AGPAT3: variants seen among roughly 807,000 people sequenced by gnomAD.
The protein encoded by AGPAT3 is 1-acylglycerol-3-phosphate O-acyltransferase 3.
In AGPAT3, 5 loss-of-function variants were observed where a neutral mutation model predicts 47.3. The observed-to-expected ratio is 0.11, with a 90% CI of 0.06 to 0.22. AGPAT3 has a LOEUF of 0.22. Ranked by LOEUF, AGPAT3 falls within the 10% of genes least tolerant of loss-of-function variation. The pLI is 1.00. For missense variants in AGPAT3, 315 were observed against 493.0 expected (o/e 0.64, Z 3.42); for synonymous variants, 212 against 208.3 (o/e 1.02, Z -0.15).
At chr21:43,965,124 T>A (rs139199861) in intron 3 of AGPAT3, 1 of 152,600 alleles carries the variant, frequency 6.6e-6, no homozygotes, top group East Asian at 1.9e-4. Flanking sequence ...GAGACAGGGT[T>A]TTGCCATGTT....
At chr21:43,936,360 T>C (rs2087446200) in intron 2 of AGPAT3, among the ~76,000 whole-genome samples, 1 of 152,248 alleles carries the variant, frequency 6.6e-6, no homozygotes, top group African/African-American at 2.4e-5. Flanking sequence ...GACTTTTCTG[T>C]GGGTGCACCT....
At chr21:43,886,534 G>A (rs753569344) in intron 1 of AGPAT3, among the ~76,000 whole-genome samples, 8 of 152,174 alleles carry the variant, frequency 5.3e-5, no homozygotes, top group Admixed American at 1.3e-4. Context: ...TTACAAGCAT[G>A]AGCCATCACA....
rs186394421 is a variant in AGPAT3, at chr21:43,922,988, T to G, written c.-49+18969T>G. On this transcript the variant is annotated intron_variant, in intron 2 of 9. Coordinates refer to ENST00000291572, the MANE Select transcript of AGPAT3 (RefSeq NM_020132.5). The surrounding 1 kb of genome is among the most constrained non-coding windows in gnomAD (Gnocchi z 4.9). ...AGGAGTCCCTGTTTCTTTCTCCCCA[T>G]GCTCACACGGGGTTTTTAGACTTTG... Among the ~76,000 whole-genome samples, 103 of 152,294 alleles carry G rather than the reference T, an allele frequency of 6.8e-4. 3 individuals carry two copies. The East Asian group carries it at 0.016, about 23-fold the overall frequency.
intron 1 of AGPAT3, among the ~76,000 whole-genome samples, chr21:43,887,144 C>T (rs4819338): frequency 0.32 from 49,356 of 152,098 alleles, 8,741 homozygotes; most frequent in Non-Finnish European, 0.4. Context: ...AGGTCAAGGC[C>T]CAGCTCCTTC....
chr21:43,967,742 A>G (rs557448008), intron 3 of AGPAT3: 7 of 559,566 alleles, frequency 1.3e-5, no homozygotes, highest in Admixed American at 9.7e-5. Context: ...TTCTGCTGCT[A>G]CCTTCCATCT....
intron 6 of AGPAT3, 39 bp from the exon 7 acceptor site, chr21:43,971,349 C>T (rs1222644501): frequency 6.3e-7 from 1 of 1,591,444 alleles, no homozygotes; most frequent in Non-Finnish European, 8.6e-7. Flanking sequence ...CATGCAGCCG[C>T]CTGGGCTGGG....
chr21:43,977,202 A>G (rs937482231), intron 7 of AGPAT3, among the ~76,000 whole-genome samples: 3 of 152,334 alleles, frequency 2.0e-5, no homozygotes, highest in Admixed American at 2.0e-4. Flanking sequence ...ATGTAAATAA[A>G]TGAGTGTCCA....
At chr21:43,917,242 C>A (rs1458536543) in intron 2 of AGPAT3, among the ~76,000 whole-genome samples, 2 of 151,924 alleles carry the variant, frequency 1.3e-5, no homozygotes, top group Non-Finnish European at 2.9e-5. Flanking sequence ...CACATCCGCC[C>A]CTCTGGGTGC....
intron 3 of AGPAT3, among the ~76,000 whole-genome samples, chr21:43,961,934 T>C (rs981850743): frequency 6.6e-6 from 1 of 152,124 alleles, no homozygotes; most frequent in African/African-American, 2.4e-5. Context: ...GCAGAGAGAC[T>C]AGTAACCCAG....
rs1299458862 is a variant in AGPAT3, at chr21:43,986,989, G to A, written c.*4597G>A. Among the ~76,000 whole-genome samples, 2 of 152,224 alleles carry A rather than the reference G, an allele frequency of 1.3e-5. No homozygotes were observed. Among genetic ancestry groups the A allele is most frequent in the African/African-American group, 2.4e-5 (1 of 41,446 alleles). On this transcript the variant is annotated 3_prime_UTR_variant, in exon 10 of 10. Transcript: ENST00000291572. The stretch of plus-strand genomic sequence containing the variant: ...TCCCAAAGGCCTGGCTGCGTTTGCC[G>A]TGCTGTGCGAGGACCTGTGTACACA...
Position 43,868,354 on chromosome 21 carries a change from A to G in AGPAT3, c.-112+3009A>G, listed in dbSNP as rs187942876. Among the ~76,000 whole-genome samples the G allele has an allele frequency of 3.9e-4, 60 of 152,260 alleles. 1 individual carries two copies. The highest frequency in any genetic ancestry group is 1.2e-3 in the African/African-American group (50 of 41,546). Reference sequence around the variant, plus strand: ...ATTGAAAGCAACACAACTATCCTTCAGTGTGTGACTGGCAGAAATCTACCT... The same window carrying G: ...ATTGAAAGCAACACAACTATCCTTCGGTGTGTGACTGGCAGAAATCTACCT... On this transcript the variant is annotated intron_variant, in intron 1 of 9. Coordinates refer to ENST00000291572, the MANE Select transcript of AGPAT3 (RefSeq NM_020132.5).
At position 43,952,285 on chromosome 21, in the gene AGPAT3, G is replaced by A. The variant is rs1393167626; in HGVS notation, c.-48-7349G>A. On this transcript the variant is annotated intron_variant, in intron 2 of 9. Transcript: ENST00000291572. The surrounding 1 kb of genome is among the most constrained non-coding windows in gnomAD (Gnocchi z 5.6). ...GCAGGCGGTCTCCCTTTTTCATAAG[G>A]ACACCGGTCAGATGGAATCAGCGCC... Among the ~76,000 whole-genome samples, 1 of 152,092 alleles carries A rather than the reference G, an allele frequency of 6.6e-6. No homozygotes were observed. The highest frequency in any genetic ancestry group is 1.5e-5 in the Non-Finnish European group (1 of 68,012).
chr21:43,879,046 C>G (rs183249515), intron 1 of AGPAT3, among the ~76,000 whole-genome samples: 2 of 152,230 alleles, frequency 1.3e-5, no homozygotes, highest in East Asian at 3.9e-4. Context: ...GGCTTGTCTT[C>G]TAGTTTTGAA....
intron 7 of AGPAT3, among the ~76,000 whole-genome samples, chr21:43,975,714 T>C (rs910978060): frequency 5.9e-5 from 9 of 152,214 alleles, no homozygotes; most frequent in Non-Finnish European, 1.3e-4. Context: ...CTGTGTATCT[T>C]AATTTTGGGT....
At position 43,865,240 on chromosome 21, in the gene AGPAT3, C is replaced by T. The variant is rs1231220958; in HGVS notation, c.-217C>T. On this transcript the variant is annotated 5_prime_UTR_variant, in exon 1 of 10. It adds an upstream start codon to the 5' untranslated region. Transcript: ENST00000291572. ...GGCGCCGCACTCGCTGAGGCCCCGA[C>T]GCAGGGCCGGGCCGGGCCCAGGGCC... 6.8e-6 allele frequency: 1 copy of T among 147,254 alleles called. No individual in the cohort carries two copies. Among genetic ancestry groups the T allele is most frequent in the Admixed American group, 6.8e-5 (1 of 14,752 alleles). The allele number at this position is 147,254 out of a possible 1,614,324, so 9.1% of individuals were successfully genotyped here. A position where few individuals can be genotyped will look rare whatever the true frequency, so the allele number is the denominator to read the frequency against.
chr21:43,908,631 C>T lies in AGPAT3; in HGVS notation c.-49+4612C>T, dbSNP rs897195227. Among the ~76,000 whole-genome samples the T allele has an allele frequency of 1.3e-5, 2 of 152,248 alleles. No individual in the cohort carries two copies. The highest frequency in any genetic ancestry group is 2.9e-5 in the Non-Finnish European group (2 of 68,022). Reference sequence around the variant, plus strand: ...AGAAAGGACCTATGGCCTCCAGCTCCGGGTTCAGGGCTGTGTCCAGGTTCA... The same window carrying T: ...AGAAAGGACCTATGGCCTCCAGCTCTGGGTTCAGGGCTGTGTCCAGGTTCA... On this transcript the variant is annotated intron_variant, in intron 2 of 9. Transcript: ENST00000291572. This position sits in a 1 kb window ranked among gnomAD's most constrained non-coding sequence, Gnocchi z 4.9.
chr21:43,946,037 G>A (rs889265071), intron 2 of AGPAT3, among the ~76,000 whole-genome samples: 1 of 152,144 alleles, frequency 6.6e-6, no homozygotes, highest in Admixed American at 6.5e-5. Flanking sequence ...GGACTCAGGG[G>A]TTCCAGCCAA....
chr21:43,897,088 G>T (rs1230186534), intron 1 of AGPAT3, among the ~76,000 whole-genome samples: 4 of 151,782 alleles, frequency 2.6e-5, no homozygotes, highest in Non-Finnish European at 4.4e-5. Context: ...GGTTTTCCTA[G>T]GCAGAGGACC....
intron 1 of AGPAT3, among the ~76,000 whole-genome samples, chr21:43,870,425 ATTGGG>A (rs765894512): frequency 7.9e-5 from 12 of 151,978 alleles, no homozygotes; most frequent in Non-Finnish European, 1.3e-4. Flanking sequence ...TTAGTGAATT[ATTGGG>A]TCCCCGGGTG....
Sources: gnomAD v4.1 joint callset for allele counts (sites outside exome capture counted in the v4.1 genomes callset) on GRCh38, gnomAD v4.1.1 for gene constraint, Gnocchi (gnomAD v3.1) non-coding constraint, MANE v1.5 for transcripts, NCBI Gene and HGNC (gene_info 2026-07-23, HGNC 2026-07-21) for gene names.